The following ERC1 variants were observed in gnomAD, a reference collection of about 807,000 sequenced individuals.
ERC1 encodes ELKS/RAB6-interacting/CAST family member 1.
Under a neutral mutation model 132.0 loss-of-function variants are expected in ERC1, and 56 were observed. The ratio of observed to expected loss-of-function variants is 0.42; its 90% CI spans 0.34 to 0.53. The LOEUF (loss-of-function observed/expected upper bound fraction) is 0.53, where lower values mean the gene tolerates loss of function less well. Ranked by LOEUF, ERC1 falls within the 20% of genes least tolerant of loss-of-function variation. The pLI is 0.03. For missense variants in ERC1, 1,202 were observed against 1,349.9 expected (o/e 0.89, Z 1.72); for synonymous variants, 478 against 476.1 (o/e 1.00, Z -0.05).
chr12:1,132,096 T>G (rs1948820112), intron 7 of ERC1, among the ~76,000 whole-genome samples: 1 of 152,192 alleles, frequency 6.6e-6, no homozygotes, highest in Admixed American at 6.5e-5. Context: ...TACTACAAAT[T>G]TAGTTCACTC....
chr12:1,437,464 A>G (rs1214718268), intron 17 of ERC1, among the ~76,000 whole-genome samples: 2 of 152,228 alleles, frequency 1.3e-5, no homozygotes, highest in South Asian at 2.1e-4. Flanking sequence ...TTTGTAGCAC[A>G]TGGAGAGACA....
At chr12:1,320,609 C>T (rs1170539404) in intron 15 of ERC1, among the ~76,000 whole-genome samples, 1 of 152,170 alleles carries the variant, frequency 6.6e-6, no homozygotes, top group Admixed American at 6.5e-5. Context: ...TTACAAAAGT[C>T]ATTTCACATG....
chr12:1,201,886 A>C (rs574188768), intron 12 of ERC1, among the ~76,000 whole-genome samples: 1 of 152,326 alleles, frequency 6.6e-6, no homozygotes, highest in East Asian at 1.9e-4. Flanking sequence ...GTGTCAGAGA[A>C]TATGCTCTTA....
At chr12:1,477,457 AAAG>A (rs1368127964) in intron 18 of ERC1, among the ~76,000 whole-genome samples, 2 of 152,104 alleles carry the variant, frequency 1.3e-5, no homozygotes, top group East Asian at 3.9e-4. Context: ...GACTGAGCAG[AAAG>A]AAGAACAACA....
chr12:1,109,328 G>A (rs1473166723), intron 4 of ERC1, among the ~76,000 whole-genome samples: 1 of 152,172 alleles, frequency 6.6e-6, no homozygotes. Context: ...AGACAATAAG[G>A]ATTGCTAACA....
At chr12:1,061,322 C>T (rs555972785) in intron 2 of ERC1, among the ~76,000 whole-genome samples, 4 of 151,684 alleles carry the variant, frequency 2.6e-5, no homozygotes, top group South Asian at 2.1e-4. Flanking sequence ...TCTGGCTGGG[C>T]GTAGTGGGCC....
rs746203928 is a variant in ERC1, at chr12:1,236,836, A to G, written c.2419A>G (p.Ser807Gly). ...CAAGGAACAGGTGGAAAAAAAGAAGAGTGCACAAATGTTAGAGGAGGCGCG... is the reference window on the plus strand; with the variant it reads ...CAAGGAACAGGTGGAAAAAAAGAAGGGTGCACAAATGTTAGAGGAGGCGCG... ...KHKEQVEKKKSAQMLEEARRR... is the reference protein window; with the variant it reads ...KHKEQVEKKKGAQMLEEARRR... The change falls in exon 13 of 19, where the codon AGT becomes GGT. Residue 807 changes from serine (S) to glycine (G), a missense_variant. Transcript: ENST00000360905. 1 of 1,614,156 alleles carries G rather than the reference A, an allele frequency of 6.2e-7. No homozygotes were observed. Among genetic ancestry groups the G allele is most frequent in the South Asian group, 1.1e-5 (1 of 91,082 alleles).
At chr12:1,487,956 G>A (rs909209989) in intron 18 of ERC1, among the ~76,000 whole-genome samples, 1 of 151,582 alleles carries the variant, frequency 6.6e-6, no homozygotes, top group African/African-American at 2.4e-5. Flanking sequence ...GGCTAACACG[G>A]TGAAGCCCTG....
intron 18 of ERC1, among the ~76,000 whole-genome samples, chr12:1,487,297 G>A (rs2094235336): frequency 1.3e-5 from 2 of 150,082 alleles, no homozygotes; most frequent in Non-Finnish European, 1.5e-5. Context: ...GAAGCACTGT[G>A]CTCATTCTTG....
intron 3 of ERC1, among the ~76,000 whole-genome samples, chr12:1,102,950 C>T (rs867660164): frequency 2.6e-5 from 4 of 152,214 alleles, no homozygotes; most frequent in Non-Finnish European, 5.9e-5. Flanking sequence ...TCCACATGCT[C>T]ATCACTCAGA....
chr12:1,415,671 G>A (rs1439611054), intron 17 of ERC1, among the ~76,000 whole-genome samples: 2 of 152,202 alleles, frequency 1.3e-5, no homozygotes, highest in African/African-American at 4.8e-5. Context: ...GCAGTGAATT[G>A]CACTGCTTTC....
At chr12:1,371,621 T>C (rs4611267) in intron 15 of ERC1, among the ~76,000 whole-genome samples, 152 of 64,592 alleles carry the variant, frequency 2.4e-3, no homozygotes, top group South Asian at 3.0e-3. Flanking sequence ...GGGTGAATGA[T>C]GCTGTTGGCG....
rs1322419109 is a variant in ERC1 at position 1,289,088 on chromosome 12, C to T, written c.2620-764C>T. Among the ~76,000 whole-genome samples, 166 of 65,558 alleles carry T rather than the reference C, an allele frequency of 2.5e-3. 1 individual carries two copies. The highest frequency in any genetic ancestry group is 0.012 in the African/African-American group (156 of 12,670). The allele number at this position is 65,558 out of a possible 152,430, so 43.0% of individuals were successfully genotyped here. ...GTCTCCTTTCTATCTGGTATGTACA[C>T]ACACACACACACACACACACACACA... On this transcript the variant is annotated intron_variant, in intron 14 of 18. Transcript: ENST00000360905.
chr12:1,353,190 C>A (rs1346892547), intron 15 of ERC1, among the ~76,000 whole-genome samples: 1 of 152,000 alleles, frequency 6.6e-6, no homozygotes, highest in Non-Finnish European at 1.5e-5. Flanking sequence ...GCCACCACAC[C>A]CAGCTAATTT....
rs144449590 is a variant in ERC1, at chr12:1,173,912, T to C, written c.1738-6628T>C. 6.9e-3 allele frequency among the ~76,000 whole-genome samples: 1,056 copies of C among 151,970 alleles called. 6 individuals carry two copies. The highest frequency in any genetic ancestry group is 9.5e-3 in the Non-Finnish European group (645 of 67,970). Reference sequence around the variant, plus strand: ...TCAGTGAGTGAGGGCTCAGCTGTTATCCATCGTGATGCTGCAGTCAGTGGG... The same window carrying C: ...TCAGTGAGTGAGGGCTCAGCTGTTACCCATCGTGATGCTGCAGTCAGTGGG... On this transcript the variant is annotated intron_variant, in intron 8 of 18. Coordinates refer to ENST00000360905, the MANE Select transcript of ERC1 (RefSeq NM_178040.4).
chr12:1,353,028 C>CTTTTTTTTTT (rs547540688), intron 15 of ERC1, among the ~76,000 whole-genome samples: 83 of 122,858 alleles, frequency 6.8e-4, no homozygotes, highest in Non-Finnish European at 9.7e-4. Flanking sequence ...CTTTTCTTTT[C>CTTTTTTTTTT]TTTTTTTTTT....
At chr12:1,397,168 C>G (rs947764207) in intron 16 of ERC1, among the ~76,000 whole-genome samples, 15 of 152,138 alleles carry the variant, frequency 9.9e-5, no homozygotes, top group African/African-American at 3.6e-4. Flanking sequence ...CTCAATTAAG[C>G]AGGCTGTGCA....
intron 12 of ERC1, among the ~76,000 whole-genome samples, chr12:1,213,703 A>G (rs1455669602): frequency 7.6e-5 from 11 of 144,508 alleles, no homozygotes. Flanking sequence ...CTGCCACTGC[A>G]CTCCACCCTA....
intron 16 of ERC1, among the ~76,000 whole-genome samples, chr12:1,394,688 A>G (rs559200038): frequency 6.6e-6 from 1 of 152,284 alleles, no homozygotes; most frequent in South Asian, 2.1e-4. Context: ...CTCTCCTGCC[A>G]CCATGTAGAA....
Sources: allele counts gnomAD v4.1 joint callset (sites outside exome capture counted in the v4.1 genomes callset), GRCh38; gene constraint gnomAD v4.1.1; transcripts MANE v1.5; gene names NCBI Gene and HGNC (gene_info 2026-07-23, HGNC 2026-07-21).